ERBIN: variants seen among roughly 807,000 people sequenced by gnomAD.
ERBIN encodes the protein densin-180-like protein.
A neutral mutation model predicts 158.4 loss-of-function variants in ERBIN; 60 were observed. The ratio of observed to expected loss-of-function variants is 0.38; its 90% CI spans 0.31 to 0.47. The LOEUF (loss-of-function observed/expected upper bound fraction) is 0.47. Ranked by LOEUF, ERBIN falls within the 20% of genes least tolerant of loss-of-function variation. ERBIN has a pLI of 0.99. For missense variants in ERBIN, 1,610 were observed against 1,648.0 expected (o/e 0.98, Z 0.40); for synonymous variants, 594 against 557.2 (o/e 1.07, Z -0.93).
intron 4 of ERBIN, among the ~76,000 whole-genome samples, chr5:66,004,150 C>T (rs1753311433): frequency 6.7e-6 from 1 of 149,696 alleles, no homozygotes. Context: ...CCATGTTGCC[C>T]AGGCTGGTCT....
intron 1 of ERBIN, among the ~76,000 whole-genome samples, chr5:65,983,126 A>G (rs1427589518): frequency 6.6e-6 from 1 of 152,234 alleles, no homozygotes; most frequent in South Asian, 2.1e-4. Context: ...TTGCACAGTA[A>G]TACATTTTTA....
At chr5:66,000,474 A>G (rs141162872) in intron 4 of ERBIN, among the ~76,000 whole-genome samples, 5 of 152,290 alleles carry the variant, frequency 3.3e-5, no homozygotes, top group African/African-American at 7.2e-5. Context: ...TGCTTCTACT[A>G]TATTGAAAAC....
chr5:65,995,215 T>C (rs952214948), intron 4 of ERBIN, among the ~76,000 whole-genome samples: 3 of 152,206 alleles, frequency 2.0e-5, no homozygotes, highest in African/African-American at 4.8e-5. Flanking sequence ...AGGATAGATC[T>C]CTTGTGCTTA....
chr5:65,958,633 AGAGGGGGAGAGAGAGGGAGACCGTGAGG>A, intron 1 of ERBIN, among the ~76,000 whole-genome samples: 1 of 107,030 alleles, frequency 9.3e-6, no homozygotes. Flanking sequence ...GACCGTGGGG[AGAGGGGGAGAGAGAGGGAGACCGTGAGG>A]GAGGGGGAGG....
At chr5:66,006,018 C>T (rs576805776) in intron 4 of ERBIN, among the ~76,000 whole-genome samples, 4 of 152,254 alleles carry the variant, frequency 2.6e-5, no homozygotes, top group South Asian at 2.1e-4. Flanking sequence ...CTACCAATGA[C>T]TTTCTTCACA....
In ERBIN at chr5:65,940,388, C is replaced by T. The variant is rs1215477879; in HGVS notation, c.-58+13582C>T. On this transcript the variant is annotated intron_variant, in intron 1 of 25. Transcript: ENST00000284037. ...CTGGGAAGTGAGGAGCATCTCCGCC[C>T]GGCAGCCACCTCGTCCGGGAGGGAG... Among the ~76,000 whole-genome samples, 3 of 145,668 alleles carry T rather than the reference C, an allele frequency of 2.1e-5. 1 individual carries two copies. The highest frequency in any genetic ancestry group is 2.0e-4 in the East Asian group (1 of 4,914).
intron 21 of ERBIN, among the ~76,000 whole-genome samples, chr5:66,059,693 C>T (rs1409969321): frequency 3.3e-5 from 5 of 152,018 alleles, no homozygotes; most frequent in Non-Finnish European, 7.4e-5. Context: ...ACAGCTCTTA[C>T]TATTTTGAGA....
rs59712256 is a variant in ERBIN, at chr5:65,948,762, G to GTTTTTTTTTTTTTTTT, written c.-58+21960_-58+21975dup. Among the ~76,000 whole-genome samples the GTTTTTTTTTTTTTTTT allele has an allele frequency of 3.8e-5, 4 of 105,624 alleles. 1 individual carries two copies. The highest frequency in any genetic ancestry group is 1.8e-5 in the Non-Finnish European group (1 of 56,110). 69.3% of individuals were successfully genotyped at this position (105,624 alleles called of 152,430 possible). ...ATGACATACTGGAGTTCTGTTTTGC[G>GTTTTTTTTTTTTTTTT]TTTTTTTTTTTTTTTTTTTGAGACA... is the stretch of plus-strand genomic sequence containing the variant. On this transcript the variant is annotated intron_variant, in intron 1 of 25. Transcript: ENST00000284037.
In ERBIN at chr5:65,948,761, C is replaced by T. The variant is rs1453176846; in HGVS notation, c.-58+21955C>T. ...GATGACATACTGGAGTTCTGTTTTG[C>T]GTTTTTTTTTTTTTTTTTTTGAGAC... is the stretch of plus-strand genomic sequence containing the variant. On this transcript the variant is annotated intron_variant, in intron 1 of 25. Coordinates refer to ENST00000284037, the MANE Select transcript of ERBIN (RefSeq NM_001253697.2). Among the ~76,000 whole-genome samples the T allele has an allele frequency of 1.4e-3, 63 of 44,410 alleles. 1 individual carries two copies. The highest frequency in any genetic ancestry group is 2.4e-3 in the Non-Finnish European group (45 of 18,826). The allele number at this position is 44,410 out of a possible 152,430, so 29.1% of individuals were successfully genotyped here.
At chr5:66,039,803 A>G (rs529003127) in intron 15 of ERBIN, among the ~76,000 whole-genome samples, 143 of 152,062 alleles carry the variant, frequency 9.4e-4, no homozygotes, top group Non-Finnish European at 1.3e-3. Flanking sequence ...CTATTCTCAA[A>G]GCTTTAACTA....
chr5:66,066,975 A>G (rs1761060850), intron 21 of ERBIN, among the ~76,000 whole-genome samples: 2 of 152,198 alleles, frequency 1.3e-5, no homozygotes, highest in African/African-American at 4.8e-5. Context: ...TGACAGAGAA[A>G]GCTTTGCTAC....
intron 21 of ERBIN, among the ~76,000 whole-genome samples, chr5:66,060,544 T>G (rs1317282126): frequency 4.6e-5 from 7 of 152,224 alleles, no homozygotes; most frequent in Non-Finnish European, 1.0e-4. Context: ...TCTCCTTCAG[T>G]TCTGCTCTGA....
intron 9 of ERBIN, 86 bp from the exon 10 acceptor site, chr5:66,024,220 A>T: frequency 1.1e-6 from 1 of 915,080 alleles, no homozygotes; most frequent in Non-Finnish European, 1.6e-6. Context: ...ATTTTGAATT[A>T]AAACTTGGTA....
chr5:65,941,772 G>A (rs899745419), intron 1 of ERBIN, among the ~76,000 whole-genome samples: 2 of 151,596 alleles, frequency 1.3e-5, no homozygotes, highest in Admixed American at 1.3e-4. Context: ...ACGGAGTGTC[G>A]TTTTGTCGCC....
chr5:65,941,031 T>C (rs1375863421), intron 1 of ERBIN, among the ~76,000 whole-genome samples: 4 of 152,102 alleles, frequency 2.6e-5, no homozygotes, highest in African/African-American at 7.2e-5. Context: ...AACCCTGTGC[T>C]CTCTGAAACA....
chr5:65,949,965 G>A (rs533710658), intron 1 of ERBIN, among the ~76,000 whole-genome samples: 2 of 150,690 alleles, frequency 1.3e-5, no homozygotes, highest in East Asian at 4.0e-4. Flanking sequence ...AGCCACTACA[G>A]TATGCAGGAA....
At chr5:65,984,987 T>C (rs1477450739) in intron 1 of ERBIN, 1 of 152,150 alleles carries the variant, frequency 6.6e-6, no homozygotes, top group Non-Finnish European at 1.5e-5. Flanking sequence ...CAATCTCAAG[T>C]AGTGGATGGG....
chr5:66,053,775 A>T lies in ERBIN; in HGVS notation c.2457A>T (p.Val819=). ...ACAAGTATCCTAATTTGGAATCCGT[A>T]AATAAGGTAAATGGACATTCTGAGG... ...NGNKYPNLES[V]NKVNGHSEET... is the part of the protein sequence containing the mutation. Residue 819 remains valine (V), a synonymous_variant, in exon 21 of 26, where the codon GTA becomes GTT. Transcript: ENST00000284037. 6.2e-7 allele frequency: 1 copy of T among 1,613,858 alleles called. No individual in the cohort carries two copies. Among genetic ancestry groups the T allele is most frequent in the Non-Finnish European group, 8.5e-7 (1 of 1,179,994 alleles).
At chr5:65,979,391 C>T (rs1190610821) in intron 1 of ERBIN, among the ~76,000 whole-genome samples, 3 of 152,160 alleles carry the variant, frequency 2.0e-5, no homozygotes, top group South Asian at 2.1e-4. Context: ...TGTGCCAGTG[C>T]ACTTCAGCCT....
Sources: allele counts gnomAD v4.1 joint callset (sites outside exome capture counted in the v4.1 genomes callset), GRCh38; gene constraint gnomAD v4.1.1; transcripts MANE v1.5; gene names NCBI Gene and HGNC (gene_info 2026-07-23, HGNC 2026-07-21).